The following PTPN3 variants were observed in gnomAD, a reference collection of about 807,000 sequenced individuals.
The protein encoded by PTPN3 is tyrosine-protein phosphatase non-receptor type 3.
PTPN3 carries 96 observed loss-of-function variants against 132.7 expected under a neutral mutation model. That is an observed-to-expected ratio of 0.72 (90% CI 0.61 to 0.86). The LOEUF is 0.86. PTPN3 is among the 40% of genes least tolerant of loss of function. PTPN3 has a pLI of 0.00. For missense variants in PTPN3, 1,125 were observed against 1,159.6 expected (o/e 0.97, Z 0.43); for synonymous variants, 398 against 429.0 (o/e 0.93, Z 0.89).
chr9:109,399,696 G>A (rs1476713489), intron 19 of PTPN3, among the ~76,000 whole-genome samples: 1 of 150,988 alleles, frequency 6.6e-6, no homozygotes, highest in African/African-American at 2.4e-5. Context: ...AGCACTGATA[G>A]AAACCAGCTC....
At chr9:109,400,980 G>A (rs1474063923) in intron 19 of PTPN3, among the ~76,000 whole-genome samples, 1 of 152,206 alleles carries the variant, frequency 6.6e-6, no homozygotes, top group African/African-American at 2.4e-5. Context: ...AGACTGAAGA[G>A]GCTGGGCTTT....
At chr9:109,382,857 T>C (rs1485144661) in intron 23 of PTPN3, among the ~76,000 whole-genome samples, 6 of 152,140 alleles carry the variant, frequency 3.9e-5, no homozygotes, top group Non-Finnish European at 8.8e-5. Context: ...ACTCGCAATG[T>C]TGTAGAGCCA....
chr9:109,460,531 T>TC (rs1845796198), intron 2 of PTPN3, among the ~76,000 whole-genome samples: 1 of 151,634 alleles, frequency 6.6e-6, no homozygotes. Context: ...TCTGCTACCC[T>TC]CCCCCCTTGC....
At chr9:109,428,977 C>T in intron 10 of PTPN3, 1 of 985,436 alleles carries the variant, frequency 1.0e-6, no homozygotes, top group South Asian at 4.7e-5. Flanking sequence ...TGTGGCACTG[C>T]AGCTCTGCGT....
intron 14 of PTPN3, among the ~76,000 whole-genome samples, chr9:109,418,030 T>C (rs76285952): frequency 0.029 from 4,473 of 152,276 alleles, 120 homozygotes; most frequent in East Asian, 0.15. Context: ...AATAGTCCTA[T>C]GGAGCTGGTG....
At chr9:109,493,919 A>G (rs979990941) in intron 1 of PTPN3, among the ~76,000 whole-genome samples, 15 of 152,234 alleles carry the variant, frequency 9.9e-5, no homozygotes, top group African/African-American at 3.6e-4. Flanking sequence ...TGAAGATTAA[A>G]TGAATTAAGT....
At chr9:109,430,654 A>G (rs551204666) in intron 10 of PTPN3, among the ~76,000 whole-genome samples, 74 of 152,342 alleles carry the variant, frequency 4.9e-4, no homozygotes, top group African/African-American at 1.7e-3. Context: ...TAATCCAGTG[A>G]GGGAGACAGG....
At chr9:109,487,051 G>A (rs546126389) in intron 1 of PTPN3, among the ~76,000 whole-genome samples, 24 of 152,244 alleles carry the variant, frequency 1.6e-4, no homozygotes, top group African/African-American at 4.8e-4. Context: ...TATTAGCAGC[G>A]TGAGAATGGA....
chr9:109,430,141 C>G (rs1281556741), intron 10 of PTPN3, among the ~76,000 whole-genome samples: 1 of 152,086 alleles, frequency 6.6e-6, no homozygotes, highest in African/African-American at 2.4e-5. Flanking sequence ...GATACTCTTC[C>G]TAGTGTGTGT....
intron 1 of PTPN3, among the ~76,000 whole-genome samples, chr9:109,483,029 T>A (rs931835145): frequency 6.6e-6 from 1 of 152,162 alleles, no homozygotes; most frequent in Non-Finnish European, 1.5e-5. Context: ...AAAGTCTTGA[T>A]CCCCAGTCTG....
At chr9:109,475,147 ATC>A (rs908515678) in intron 1 of PTPN3, among the ~76,000 whole-genome samples, 1 of 152,144 alleles carries the variant, frequency 6.6e-6, no homozygotes, top group Non-Finnish European at 1.5e-5. Flanking sequence ...ACTAGAGGTA[ATC>A]AAGCAGAGAA....
chr9:109,498,860 G>C (rs551883943), upstream of PTPN3, among the ~76,000 whole-genome samples: 116 of 152,226 alleles, frequency 7.6e-4, no homozygotes, highest in Non-Finnish European at 1.2e-3. The surrounding 1 kb of genome is among the most constrained non-coding windows in gnomAD (Gnocchi z 4.2). Context: ...TCAGGACATT[G>C]GCGCCCGCCT....
At chr9:109,496,706 A>C (rs1847683303) in intron 1 of PTPN3, among the ~76,000 whole-genome samples, 1 of 152,186 alleles carries the variant, frequency 6.6e-6, no homozygotes, top group Admixed American at 6.5e-5. Context: ...GTGGTTCTAA[A>C]GGGGTGCTGG....
chr9:109,487,543 C>A (rs1287317761), intron 1 of PTPN3, among the ~76,000 whole-genome samples: 1 of 152,194 alleles, frequency 6.6e-6, no homozygotes, highest in Non-Finnish European at 1.5e-5. Context: ...CTAACAGCCT[C>A]TTTTAAACAG....
chr9:109,498,829 A>G (rs540382453), upstream of PTPN3, among the ~76,000 whole-genome samples: 165 of 152,122 alleles, frequency 1.1e-3, no homozygotes, highest in Admixed American at 2.4e-3. The surrounding 1 kb of genome is among the most constrained non-coding windows in gnomAD (Gnocchi z 4.2). Flanking sequence ...CTGTCCATCA[A>G]ACACTCGAAC....
rs112870776 is a variant in PTPN3, at chr9:109,388,748, C to T, written c.2253+485G>A. Among the ~76,000 whole-genome samples the T allele has an allele frequency of 3.0e-4, 46 of 152,302 alleles. 1 individual carries two copies. The highest frequency in any genetic ancestry group is 1.1e-3 in the African/African-American group (45 of 41,572). On this transcript the variant is annotated intron_variant, in intron 22 of 25. Coordinates refer to ENST00000374541, the MANE Select transcript of PTPN3 (RefSeq NM_002829.4). ...CTGGGCGGTGGGGGCTCCCTTTTCT[C>T]TGAGGAGAAGAATGACCTTCCTGCT... is the stretch of plus-strand genomic sequence containing the variant.
intron 1 of PTPN3, among the ~76,000 whole-genome samples, chr9:109,465,978 C>T (rs540953564): frequency 7.9e-5 from 12 of 152,268 alleles, no homozygotes; most frequent in African/African-American, 2.9e-4. Flanking sequence ...TCAGCACAAG[C>T]ATCACTTCCT....
chr9:109,454,613 G>A, intron 4 of PTPN3, 39 bp from the exon 5 acceptor site: 5 of 1,534,396 alleles, frequency 3.3e-6, no homozygotes, highest in Non-Finnish European at 2.7e-6. Context: ...TTTTCCCTTT[G>A]ACAAAGTCAA....
intron 22 of PTPN3, among the ~76,000 whole-genome samples, chr9:109,386,114 A>T (rs1043177134): frequency 6.6e-6 from 1 of 152,116 alleles, no homozygotes. Context: ...GGAGTGACCG[A>T]CTCCTAATCC....
Sources: allele counts gnomAD v4.1 joint callset (sites outside exome capture counted in the v4.1 genomes callset), GRCh38; gene constraint gnomAD v4.1.1; non-coding constraint Gnocchi (gnomAD v3.1); transcripts MANE v1.5; gene names NCBI Gene and HGNC (gene_info 2026-07-23, HGNC 2026-07-21).